Variants in SLC30A9 observed in about 807,000 individuals in gnomAD.
SLC30A9 encodes the protein solute carrier family 30 member 9, also known as proton-coupled zinc antiporter SLC30A9, mitochondrial.
Under a neutral mutation model 87.5 loss-of-function variants are expected in SLC30A9, and 58 were observed. That is an observed-to-expected ratio of 0.66 (90% confidence interval 0.54 to 0.82). The LOEUF (loss-of-function observed/expected upper bound fraction) is 0.82. SLC30A9 is among the 40% of genes least tolerant of loss of function. The pLI, the probability that SLC30A9 is intolerant of heterozygous loss-of-function variation, is 0.00. For missense variants in SLC30A9, 557 were observed against 679.1 expected (o/e 0.82, Z 2.00); for synonymous variants, 234 against 233.0 (o/e 1.00, Z -0.04).
At chr4:42,012,728 C>T (rs1286063197) in intron 2 of SLC30A9, among the ~76,000 whole-genome samples, 1 of 152,162 alleles carries the variant, frequency 6.6e-6, no homozygotes, top group East Asian at 1.9e-4. Flanking sequence ...CCATCTTCAT[C>T]TCTCAAAGAT....
chr4:42,048,229 T>A (rs28509218), intron 8 of SLC30A9, among the ~76,000 whole-genome samples: 10 of 152,132 alleles, frequency 6.6e-5, no homozygotes, highest in Middle Eastern at 3.4e-3. Context: ...ATTATAAATT[T>A]AAAAAATAAA....
Position 42,089,930 on chromosome 4 carries a change from A to G in SLC30A9, c.*3804A>G, listed in dbSNP as rs1337830071. The G allele has an allele frequency of 2.6e-5, 4 of 152,238 alleles. No individual in the cohort carries two copies. Among genetic ancestry groups the G allele is most frequent in the Non-Finnish European group, 5.9e-5 (4 of 68,038 alleles). The allele number at this position is 152,238 out of a possible 1,614,324, so 9.4% of individuals were successfully genotyped here. ...ATGTCATAAGGCTTGAGTTTTTGGT[A>G]TATGGCTTTCAGTGTTACCTTATCT... On this transcript the variant is annotated 3_prime_UTR_variant, in exon 18 of 18. Transcript: ENST00000264451.
rs375819993 is a variant in SLC30A9 at position 42,075,669 on chromosome 4, T to C, written c.1431T>C (p.Asp477=). 1.0e-4 allele frequency: 165 copies of C among 1,613,420 alleles called. No homozygotes were observed. The highest frequency in any genetic ancestry group is 1.3e-4 in the Non-Finnish European group (157 of 1,179,714). Residue 477 remains aspartate, a synonymous_variant, in exon 16 of 18, where the codon GAT becomes GAC. Transcript: ENST00000264451. ...ENDPSVRAIH[D]VKATDLGLGK... is the part of the protein sequence containing the mutation. ...TTATTGATTGCAGGGCAATTCATGA[T>C]GTTAAAGCCACAGATCTGGGATTAG...
Position 42,063,188 on chromosome 4 carries a change from C to G in SLC30A9, c.1032+67C>G. On this transcript the variant is annotated intron_variant, in intron 11 of 17. Transcript: ENST00000264451. The stretch of plus-strand genomic sequence containing the variant: ...ATAGTGATTGTGTACAGTAGAAGGC[C>G]TTTGTCATATTGGTGTTAAAGGAGA... 4 of 1,449,894 alleles carry G rather than the reference C, an allele frequency of 2.8e-6. No individual in the cohort carries two copies. The South Asian group carries it at 3.6e-5, about 13-fold the overall frequency. The allele number at this position is 1,449,894 out of a possible 1,614,324, so 89.8% of individuals were successfully genotyped here. A position where few individuals can be genotyped will look rare whatever the true frequency, so the allele number is the denominator to read the frequency against.
intron 16 of SLC30A9, among the ~76,000 whole-genome samples, chr4:42,077,523 C>T (rs934726490): frequency 6.6e-6 from 1 of 152,092 alleles, no homozygotes; most frequent in African/African-American, 2.4e-5. Context: ...TCTACCTCAG[C>T]CTCCCAAGTA....
chr4:42,018,395 A>G (rs773604360), intron 3 of SLC30A9: 17 of 1,316,362 alleles, frequency 1.3e-5, no homozygotes, highest in Non-Finnish European at 1.5e-5. Context: ...AAAGCCCAAG[A>G]AAGGAATAAT....
Position 42,087,391 on chromosome 4 carries a change from TTAA to T in SLC30A9, c.*1267_*1269del, listed in dbSNP as rs1718960943. 1.3e-5 allele frequency: 2 copies of T among 152,292 alleles called. No homozygotes were observed. The highest frequency in any genetic ancestry group is 4.1e-4 in the South Asian group (2 of 4,820). The allele number at this position is 152,292 out of a possible 1,614,324, so 9.4% of individuals were successfully genotyped here. A position where few individuals can be genotyped will look rare whatever the true frequency, so the allele number is the denominator to read the frequency against. Reference sequence around the variant, plus strand: ...GCGGCTGGGTGATCTCTTTGCTGAATTAATGAGTTCTTAACATGTGGACCCAAC... The same window carrying T: ...GCGGCTGGGTGATCTCTTTGCTGAATTGAGTTCTTAACATGTGGACCCAAC... On this transcript the variant is annotated 3_prime_UTR_variant, in exon 18 of 18. Coordinates refer to ENST00000264451, the MANE Select transcript of SLC30A9 (RefSeq NM_006345.4).
intron 2 of SLC30A9, among the ~76,000 whole-genome samples, chr4:42,004,687 T>A (rs1379905593): frequency 8.0e-6 from 1 of 124,806 alleles, no homozygotes; most frequent in Non-Finnish European, 1.7e-5. Flanking sequence ...TGAGACCAAG[T>A]CTCATTCTGT....
At chr4:42,075,044 TA>T (rs1718475309) in intron 15 of SLC30A9, among the ~76,000 whole-genome samples, 5 of 14,826 alleles carry the variant, frequency 3.4e-4, no homozygotes, top group African/African-American at 8.0e-4. Context: ...TATATATATA[TA>T]TATATATATA....
intron 17 of SLC30A9, among the ~76,000 whole-genome samples, chr4:42,081,269 T>C (rs1718731630): frequency 6.6e-6 from 1 of 152,228 alleles, no homozygotes; most frequent in Non-Finnish European, 1.5e-5. Context: ...ATGGATATAT[T>C]TGCTATTTCA....
At position 42,020,520 on chromosome 4, in the gene SLC30A9, T is replaced by C. The variant is rs1715904979; in HGVS notation, c.434+5T>C. The C allele has an allele frequency of 1.3e-6, 2 of 1,525,056 alleles. No individual in the cohort carries two copies. Among genetic ancestry groups the C allele is most frequent in the South Asian group, 1.1e-5 (1 of 87,612 alleles). The allele number at this position is 1,525,056 out of a possible 1,614,324, so 94.5% of individuals were successfully genotyped here. ...TGAGTTCTGCCTCAAATCCAGGTAA[T>C]TTTTTTAAAAAATGTAGCCGTGTGT... On this transcript the variant is annotated splice_donor_5th_base_variant and intron_variant, in intron 4 of 17. Coordinates refer to ENST00000264451, the MANE Select transcript of SLC30A9 (RefSeq NM_006345.4).
At chr4:42,084,301 T>TA (rs1199973308) in intron 17 of SLC30A9, among the ~76,000 whole-genome samples, 1 of 152,144 alleles carries the variant, frequency 6.6e-6, no homozygotes, top group African/African-American at 2.4e-5. Context: ...ATAAAAGTCT[T>TA]ATACTACTTC....
At chr4:42,056,015 A>G (rs1000720424) in intron 9 of SLC30A9, among the ~76,000 whole-genome samples, 2 of 152,202 alleles carry the variant, frequency 1.3e-5, no homozygotes, top group African/African-American at 4.8e-5. Flanking sequence ...CTGGAAGGAT[A>G]CATATCAAAT....
chr4:42,059,088 C>A (rs2153139537), intron 9 of SLC30A9, among the ~76,000 whole-genome samples: 1 of 152,186 alleles, frequency 6.6e-6, no homozygotes, highest in Non-Finnish European at 1.5e-5. Flanking sequence ...TTTCAAGTTT[C>A]TTTAATCTCT....
At chr4:42,071,001 A>G (rs1718289930) in intron 15 of SLC30A9, among the ~76,000 whole-genome samples, 1 of 152,118 alleles carries the variant, frequency 6.6e-6, no homozygotes, top group Non-Finnish European at 1.5e-5. Context: ...GAACCTGTAG[A>G]GTTGCCTTAT....
chr4:42,003,926 G>A (rs910178492), intron 2 of SLC30A9, among the ~76,000 whole-genome samples: 10 of 152,016 alleles, frequency 6.6e-5, no homozygotes, highest in East Asian at 1.9e-4. Context: ...TCTGATCACC[G>A]CCTCCAACTT....
intron 5 of SLC30A9, 45 bp downstream of exon 5, chr4:42,022,975 G>T: frequency 1.8e-6 from 2 of 1,117,942 alleles, no homozygotes; most frequent in Non-Finnish European, 2.6e-6. Flanking sequence ...ACCAAATTTT[G>T]GATTAATAAA....
chr4:42,063,250 A>C, intron 11 of SLC30A9, 129 bp downstream of exon 11: 1 of 725,844 alleles, frequency 1.4e-6, no homozygotes, highest in South Asian at 2.5e-5. Context: ...TTGTAGGGTT[A>C]TATATCTATA....
intron 17 of SLC30A9, among the ~76,000 whole-genome samples, chr4:42,082,350 A>T (rs1718773357): frequency 6.6e-6 from 1 of 152,350 alleles, no homozygotes; most frequent in East Asian, 1.9e-4. Flanking sequence ...TTTCTTAGTC[A>T]TGAAAATAAG....
Sources: allele counts gnomAD v4.1 joint callset (sites outside exome capture counted in the v4.1 genomes callset), GRCh38; gene constraint gnomAD v4.1.1; transcripts MANE v1.5; gene names NCBI Gene and HGNC (gene_info 2026-07-23, HGNC 2026-07-21).